SECISBP2: variants seen among roughly 807,000 people sequenced by gnomAD.
SECISBP2 encodes the protein selenocysteine insertion sequence-binding protein 2.
A neutral mutation model predicts 98.2 loss-of-function variants in SECISBP2; 96 were observed. The observed-to-expected ratio is 0.98, with a 90% CI of 0.83 to 1.16. The LOEUF (loss-of-function observed/expected upper bound fraction) is 1.16. Among genes scored for constraint, SECISBP2 ranks in the 50% most tolerant of loss-of-function variants. SECISBP2 has a pLI of 0.00. For synonymous variants in SECISBP2, 407 were observed against 370.2 expected, an observed-to-expected ratio of 1.10 and a Z score of -1.14; for missense variants, 1,046 against 1,022.9, an observed-to-expected ratio of 1.02 and a Z score of -0.31.
chr9:89,336,533 A>G (rs1043875677), intron 7 of SECISBP2, among the ~76,000 whole-genome samples: 4 of 152,196 alleles, frequency 2.6e-5, no homozygotes, highest in African/African-American at 9.7e-5. Flanking sequence ...TAATTAGCCC[A>G]TTCCACATAA....
chr9:89,366,515 TA>T, the SECISBP2 span, among the ~76,000 whole-genome samples: 3 of 151,312 alleles, frequency 2.0e-5, no homozygotes, highest in Non-Finnish European at 1.5e-5. Context: ...GTGCAGAATT[TA>T]AAAAAAAACA....
At chr9:89,320,427 A>G (rs550596420) in intron 2 of SECISBP2, among the ~76,000 whole-genome samples, 4 of 151,984 alleles carry the variant, frequency 2.6e-5, no homozygotes, top group South Asian at 2.1e-4. Flanking sequence ...AATATATCAT[A>G]TATCTAATGG....
the SECISBP2 span, among the ~76,000 whole-genome samples, chr9:89,366,848 C>A: frequency 6.6e-6 from 1 of 152,128 alleles, no homozygotes; most frequent in Non-Finnish European, 1.5e-5. Flanking sequence ...CCAAGAACCA[C>A]CCAGGGGACT....
chr9:89,341,534 T>C (rs958882374), intron 10 of SECISBP2, 55 bp downstream of exon 10: 2 of 1,600,184 alleles, frequency 1.2e-6, no homozygotes, highest in African/African-American at 2.7e-5. Context: ...TCAGCTAGAT[T>C]ATTATGTTAC....
chr9:89,348,963 G>A (rs80298986), intron 12 of SECISBP2, among the ~76,000 whole-genome samples: 3,818 of 152,310 alleles, frequency 0.025, 162 homozygotes, highest in East Asian at 0.16. Flanking sequence ...GGGTTGCTGC[G>A]GACAGTGTTG....
chr9:89,341,704 C>G (rs944525613), intron 10 of SECISBP2, among the ~76,000 whole-genome samples: 1 of 152,154 alleles, frequency 6.6e-6, no homozygotes. Flanking sequence ...ATGAATAGAA[C>G]AAAGAACAGT....
Position 89,334,717 on chromosome 9 carries a change from A to G in SECISBP2, c.1076A>G (p.His359Arg), listed in dbSNP as rs191859122. Residue 359 changes from histidine (H) to arginine (R), a missense_variant, in exon 7 of 17, where the codon CAT (histidine) becomes CGT (arginine). By Grantham distance (29) the His-to-Arg change is conservative (BLOSUM62 0). Coordinates refer to ENST00000375807, the MANE Select transcript of SECISBP2 (RefSeq NM_024077.5). ...TACAACAAAGAAAAACACATTATTC[A>G]TCCTACCCAAAAGGTACGTGTCACT... ...PSYNKEKHII[H>R]PTQKSKASQG... 6.2e-6 allele frequency: 10 copies of G among 1,612,962 alleles called. No homozygotes were observed. The African/African-American group carries it at 9.3e-5, about 15-fold the overall frequency.
chr9:89,333,495 C>T (rs532108367), intron 6 of SECISBP2, among the ~76,000 whole-genome samples: 1 of 152,340 alleles, frequency 6.6e-6, no homozygotes, highest in East Asian at 1.9e-4. Flanking sequence ...TCCACTTGTG[C>T]AGCTCTGCCA....
intron 10 of SECISBP2, among the ~76,000 whole-genome samples, chr9:89,343,838 T>G (rs1397413216): frequency 3.9e-5 from 6 of 152,234 alleles, no homozygotes; most frequent in Non-Finnish European, 8.8e-5. Context: ...ATGATTTATA[T>G]TCCTTTGGGT....
At position 89,330,258 on chromosome 9, in the gene SECISBP2, G is replaced by A. The variant is rs149996176; in HGVS notation, c.801+1372G>A. ...TTATTACAGCAGGTTAATTCACTTT[G>A]TTCAACATTTGATCTCAGAGTTTTA... is the stretch of plus-strand genomic sequence containing the variant. On this transcript the variant is annotated intron_variant, in intron 5 of 16. Transcript: ENST00000375807. 5.3e-5 allele frequency: 8 copies of A among 152,268 alleles called. No homozygotes were observed. In the East Asian group the frequency reaches 1.5e-3, roughly 29 times the overall value. 9.4% of individuals were successfully genotyped at this position (152,268 alleles called of 1,614,324 possible).
chr9:89,319,907 A>C, intron 2 of SECISBP2, 110 bp downstream of exon 2: 1 of 1,148,460 alleles, frequency 8.7e-7, no homozygotes, highest in Non-Finnish European at 1.3e-6. Flanking sequence ...AGATGATGAG[A>C]GAATGCTCTT....
At chr9:89,320,969 T>A (rs1825702571) in intron 2 of SECISBP2, among the ~76,000 whole-genome samples, 1 of 152,250 alleles carries the variant, frequency 6.6e-6, no homozygotes, top group South Asian at 2.1e-4. Flanking sequence ...ATTCTAGAAT[T>A]ATATTTGCAA....
chr9:89,350,678 G>T lies in SECISBP2; in HGVS notation c.1939G>T (p.Asp647Tyr), dbSNP rs558648512. ...TAAAGAAGTGGATGCTTGTGTTACCGACCTACTCAAAGAACTGGTCCGTTT... is the reference window on the plus strand; with the variant it reads ...TAAAGAAGTGGATGCTTGTGTTACCTACCTACTCAAAGAACTGGTCCGTTT... The part of the protein sequence containing the change: ...LSKEVDACVT[D>Y]LLKELVRFQD... The change falls in exon 14 of 17, where the codon GAC becomes TAC. Residue 647 changes from aspartate to tyrosine, a missense_variant. Transcript: ENST00000375807. The T allele has an allele frequency of 1.2e-6, 2 of 1,614,096 alleles. No homozygotes were observed. Among genetic ancestry groups the T allele is most frequent in the Non-Finnish European group, 1.7e-6 (2 of 1,180,006 alleles).
rs772783362 is a variant in SECISBP2 at position 89,328,656 on chromosome 9, A to C, written c.575-4A>C. ...TACTCTTACTTTTAATTTTGTAATT[A>C]CAGATGGTTACCATAAGCGAACAGA... is the stretch of plus-strand genomic sequence containing the variant. On this transcript the variant is annotated splice_polypyrimidine_tract_variant and splice_region_variant and intron_variant, in intron 4 of 16. Coordinates refer to ENST00000375807, the MANE Select transcript of SECISBP2 (RefSeq NM_024077.5). 1.2e-6 allele frequency: 2 copies of C among 1,611,692 alleles called. No individual in the cohort carries two copies. The highest frequency in any genetic ancestry group is 2.2e-5 in the East Asian group (1 of 44,868).
At position 89,325,312 on chromosome 9, in the gene SECISBP2, G is replaced by A; in HGVS notation, c.183-115G>A. ...GCTTTTAATTAGGGATTATTCCAGT[G>A]CTAGAGTGAATGGTCTCAGAAATAT... On this transcript the variant is annotated intron_variant, in intron 2 of 16. Transcript: ENST00000375807. The A allele has an allele frequency of 4.2e-6, 4 of 958,214 alleles. No homozygotes were observed. In the South Asian group the frequency reaches 5.7e-5, roughly 14 times the overall value. The allele number at this position is 958,214 out of a possible 1,614,324, so 59.4% of individuals were successfully genotyped here. A position where few individuals can be genotyped will look rare whatever the true frequency, so the allele number is the denominator to read the frequency against.
In SECISBP2 at chr9:89,318,899, C is replaced by T; in HGVS notation, c.36+287C>T. ...AGCCCGGCGCTCCCCGCAGTCGGGG[C>T]GGGGGGACTCTGGCGAGCTTCCCGC... On this transcript the variant is annotated intron_variant, in intron 1 of 16. Transcript: ENST00000375807. The T allele has an allele frequency of 8.1e-7, 1 of 1,237,042 alleles. No individual in the cohort carries two copies. Among genetic ancestry groups the T allele is most frequent in the Non-Finnish European group, 1.0e-6 (1 of 990,068 alleles). The allele number at this position is 1,237,042 out of a possible 1,614,324, so 76.6% of individuals were successfully genotyped here.
the SECISBP2 span, among the ~76,000 whole-genome samples, chr9:89,365,832 A>G: frequency 1.3e-5 from 2 of 152,194 alleles, no homozygotes; most frequent in Non-Finnish European, 2.9e-5. Context: ...CACATGCTGG[A>G]CTTTTGAAAA....
chr9:89,328,512 G>A, intron 4 of SECISBP2, 148 bp from the exon 5 acceptor site: 1 of 682,736 alleles, frequency 1.5e-6, no homozygotes, highest in Non-Finnish European at 2.6e-6. Flanking sequence ...ACAAAGGAAG[G>A]TGAACAACAC....
chr9:89,329,023 A>G, intron 5 of SECISBP2, 137 bp downstream of exon 5: 1 of 714,086 alleles, frequency 1.4e-6, no homozygotes, highest in South Asian at 1.7e-5. Flanking sequence ...GAAGCCTTTC[A>G]TTGTGCACTT....
Sources: allele counts gnomAD v4.1 joint callset (sites outside exome capture counted in the v4.1 genomes callset), GRCh38; gene constraint gnomAD v4.1.1; transcripts MANE v1.5; gene names NCBI Gene and HGNC (gene_info 2026-07-23, HGNC 2026-07-21).